The following PRUNE1 variants were observed in gnomAD, a reference collection of about 807,000 sequenced individuals.
The protein encoded by PRUNE1 is exopolyphosphatase PRUNE1.
Under a neutral mutation model 42.5 loss-of-function variants are expected in PRUNE1, and 25 were observed. The observed-to-expected ratio is 0.59, with a 90% CI of 0.43 to 0.82. PRUNE1 has a LOEUF of 0.82. Ranked by LOEUF, PRUNE1 falls within the 40% of genes least tolerant of loss-of-function variation. The pLI is 0.00. For missense variants in PRUNE1, 443 were observed against 539.3 expected (o/e 0.82, Z 1.77); for synonymous variants, 203 against 217.1 (o/e 0.93, Z 0.57).
chr1:151,017,992 T>TA, intron 2 of PRUNE1, 88 bp downstream of exon 2: 1 of 874,378 alleles, frequency 1.1e-6, no homozygotes, highest in Non-Finnish European at 1.9e-6. Context: ...CTTACCAGCA[T>TA]TTAGCATTGG....
chr1:151,015,421 G>A (rs1674048697), intron 1 of PRUNE1, among the ~76,000 whole-genome samples: 1 of 151,414 alleles, frequency 6.6e-6, no homozygotes, highest in South Asian at 2.1e-4. Context: ...GGATCACGAG[G>A]TCAGGAGTTC....
In PRUNE1 at chr1:151,017,904, G is replaced by A; in HGVS notation, c.132G>A (p.Lys44=). 1 of 1,568,256 alleles carries A rather than the reference G, an allele frequency of 6.4e-7. No individual in the cohort carries two copies. Among genetic ancestry groups the A allele is most frequent in the South Asian group, 1.1e-5 (1 of 90,078 alleles). Residue 44 remains lysine, a splice_region_variant and synonymous_variant, in exon 2 of 8, where the codon AAG becomes AAA. Transcript: ENST00000271620. Reference sequence around the variant, plus strand: ...TTGCCCTGGCTTTTTACCTAGCAAAGGTGGGTAAAAAAACGTAGTACCTAG... The same window carrying A: ...TTGCCCTGGCTTTTTACCTAGCAAAAGTGGGTAAAAAAACGTAGTACCTAG... ...SALALAFYLA[K]TTEAEEVFVP...
At chr1:151,013,727 C>T (rs1673922325) in intron 1 of PRUNE1, among the ~76,000 whole-genome samples, 1 of 152,250 alleles carries the variant, frequency 6.6e-6, no homozygotes. Flanking sequence ...ACACTCGCTC[C>T]CCCTAACTGC....
At chr1:151,021,414 C>G (rs374830725) in intron 3 of PRUNE1, among the ~76,000 whole-genome samples, 8 of 152,170 alleles carry the variant, frequency 5.3e-5, no homozygotes, top group South Asian at 2.1e-4. Flanking sequence ...GAGATCATGC[C>G]ATCGCACTCC....
chr1:151,008,599 C>T lies in PRUNE1; in HGVS notation c.-34C>T. ...CTCCTCGACCAGGGGCACCTCTACTCGACCAGGGGCGACGGCGTACTTTGG... is the reference window on the plus strand; with the variant it reads ...CTCCTCGACCAGGGGCACCTCTACTTGACCAGGGGCGACGGCGTACTTTGG... On this transcript the variant is annotated 5_prime_UTR_variant, in exon 1 of 8. Transcript: ENST00000271620. The T allele has an allele frequency of 1.2e-6, 2 of 1,613,810 alleles. No homozygotes were observed. Among genetic ancestry groups the T allele is most frequent in the South Asian group, 1.1e-5 (1 of 91,080 alleles).
chr1:151,028,018 A>G (rs1571809396), intron 6 of PRUNE1, among the ~76,000 whole-genome samples: 1 of 151,184 alleles, frequency 6.6e-6, no homozygotes, highest in South Asian at 2.1e-4. Flanking sequence ...TTCCAGCTCC[A>G]CTCCTGTTCT....
At chr1:151,012,535 C>T (rs1256287212) in intron 1 of PRUNE1, among the ~76,000 whole-genome samples, 4 of 152,102 alleles carry the variant, frequency 2.6e-5, no homozygotes, top group East Asian at 1.9e-4. Flanking sequence ...AAGTTAAGGT[C>T]TGTCTCAGAG....
Position 151,033,848 on chromosome 1 carries a change from C to T in PRUNE1, c.976C>T (p.Leu326=). The change falls in exon 8 of 8, where the codon CTG becomes TTG. Residue 326 remains leucine, a synonymous_variant. Transcript: ENST00000271620. ...LERSHSPPLK[L]TPASSTHPNL... ...ACGCTCCCACTCTCCACCCCTGAAGCTGACCCCTGCCTCAAGTACCCACCC... is the reference window on the plus strand; with the variant it reads ...ACGCTCCCACTCTCCACCCCTGAAGTTGACCCCTGCCTCAAGTACCCACCC... 6.2e-7 allele frequency: 1 copy of T among 1,614,072 alleles called. No homozygotes were observed. Among genetic ancestry groups the T allele is most frequent in the Non-Finnish European group, 8.5e-7 (1 of 1,179,972 alleles).
chr1:151,029,694 G>A (rs1054795919), intron 7 of PRUNE1, among the ~76,000 whole-genome samples: 1 of 151,538 alleles, frequency 6.6e-6, no homozygotes, highest in Non-Finnish European at 1.5e-5. Flanking sequence ...TCCAGCCTGG[G>A]CAAAGATAGC....
chr1:151,033,653 G>A (rs1207794087), intron 7 of PRUNE1, among the ~76,000 whole-genome samples, 153 bp from the exon 8 acceptor site: 1 of 151,938 alleles, frequency 6.6e-6, no homozygotes. Context: ...GCCTCCCAAA[G>A]TGCTGGGATT....
intron 6 of PRUNE1, among the ~76,000 whole-genome samples, chr1:151,027,584 ATT>A (rs34162206): frequency 5.9e-5 from 8 of 134,986 alleles, no homozygotes; most frequent in Non-Finnish European, 6.2e-5. Flanking sequence ...GTCTTTTTTA[ATT>A]TTTTTTTTTT....
intron 3 of PRUNE1, among the ~76,000 whole-genome samples, chr1:151,023,999 G>A (rs112739511): frequency 0.027 from 4,139 of 152,080 alleles, 153 homozygotes; most frequent in African/African-American, 0.095. Context: ...TGACCAACAT[G>A]GTGAAACCCC....
intron 1 of PRUNE1, among the ~76,000 whole-genome samples, chr1:151,009,131 C>A (rs976543730): frequency 6.6e-6 from 1 of 152,176 alleles, no homozygotes. Flanking sequence ...TGGAGGGAAC[C>A]GGTGCTCACG....
At position 151,028,167 on chromosome 1, in the gene PRUNE1, T is replaced by C. The variant is rs587609130; in HGVS notation, c.775-619T>C. Among the ~76,000 whole-genome samples the C allele has an allele frequency of 3.3e-5, 5 of 151,828 alleles. No individual in the cohort carries two copies. The East Asian group carries it at 7.8e-4, about 24-fold the overall frequency. Reference sequence around the variant, plus strand: ...CTCAGATGTCTCTTGTTTTGGGAGGTTTTTCCTGACCACCCTAACTGAAGT... The same window carrying C: ...CTCAGATGTCTCTTGTTTTGGGAGGCTTTTCCTGACCACCCTAACTGAAGT... On this transcript the variant is annotated intron_variant, in intron 6 of 7. Coordinates refer to ENST00000271620, the MANE Select transcript of PRUNE1 (RefSeq NM_021222.3).
In PRUNE1 at chr1:151,034,019, G is replaced by C. The variant is rs1675411351; in HGVS notation, c.1147G>C (p.Val383Leu). 2 of 1,614,032 alleles carry C rather than the reference G, an allele frequency of 1.2e-6. No homozygotes were observed. Among genetic ancestry groups the C allele is most frequent in the Non-Finnish European group, 1.7e-6 (2 of 1,179,970 alleles). The stretch of plus-strand genomic sequence containing the variant: ...GACAGCAGATGTGTCCAGGGAGCAA[G>C]TGGACAAGGAATTGGACAGGGCAAG... ...PETADVSREQ[V>L]DKELDRASNS... Residue 383 changes from valine (V) to leucine (L), a missense_variant, in exon 8 of 8, where the codon GTG becomes CTG. Coordinates refer to ENST00000271620, the MANE Select transcript of PRUNE1 (RefSeq NM_021222.3).
intron 4 of PRUNE1, 26 bp downstream of exon 4, chr1:151,024,821 C>G: frequency 1.3e-6 from 2 of 1,584,368 alleles, no homozygotes; most frequent in Non-Finnish European, 1.7e-6. Context: ...GGATTGGGAC[C>G]TCAGTAGTTC....
At chr1:151,033,419 G>C (rs4970992) in intron 7 of PRUNE1, among the ~76,000 whole-genome samples, 130,498 of 140,664 alleles carry the variant, frequency 0.93, 60,498 homozygotes, top group Non-Finnish European at 0.96. Context: ...GAGATGCAGT[G>C]TTGCTCTGTC....
At chr1:151,033,535 C>T (rs1302307288) in intron 7 of PRUNE1, among the ~76,000 whole-genome samples, 1 of 151,786 alleles carries the variant, frequency 6.6e-6, no homozygotes, top group Non-Finnish European at 1.5e-5. Context: ...GGACTACAGG[C>T]ACCCGCCACC....
At chr1:151,027,027 C>G (rs141280645) in intron 5 of PRUNE1, among the ~76,000 whole-genome samples, 6,651 of 151,942 alleles carry the variant, frequency 0.044, 466 homozygotes, top group African/African-American at 0.15. Flanking sequence ...CTCAGGTGAT[C>G]CGCCCACCTC....
Sources: allele counts gnomAD v4.1 joint callset (sites outside exome capture counted in the v4.1 genomes callset), GRCh38; gene constraint gnomAD v4.1.1; transcripts MANE v1.5; gene names NCBI Gene and HGNC (gene_info 2026-07-23, HGNC 2026-07-21).